Variants in NLRP5 observed in about 807,000 individuals in gnomAD.
The protein encoded by NLRP5 is NACHT, LRR and PYD domains-containing protein 5.
Under a neutral mutation model 113.1 loss-of-function variants are expected in NLRP5, and 93 were observed. The observed-to-expected ratio is 0.82, with a 90% confidence interval of 0.70 to 0.98. The LOEUF is 0.98. NLRP5 is among the 50% of genes least tolerant of loss of function. The pLI is 0.00. For synonymous variants in NLRP5, 751 were observed against 600.7 expected, an observed-to-expected ratio of 1.25 and a Z score of -3.66; for missense variants, 1,808 against 1,514.3, an observed-to-expected ratio of 1.19 and a Z score of -3.22.
At position 56,050,403 on chromosome 19, in the gene NLRP5, G is replaced by C; in HGVS notation, c.2958-15G>C. On this transcript the variant is annotated splice_polypyrimidine_tract_variant and intron_variant, in intron 11 of 14. Transcript: ENST00000390649. ...TGAGCATCACGATCTTCTTTCCCAT[G>C]TGTGTGCCCCACAGGCTGAATCAGT... The C allele has an allele frequency of 6.2e-7, 1 of 1,611,670 alleles. No individual in the cohort carries two copies. The highest frequency in any genetic ancestry group is 8.5e-7 in the Non-Finnish European group (1 of 1,179,054).
At chr19:55,989,406 C>T in the NLRP5 span, among the ~76,000 whole-genome samples, 1 of 152,254 alleles carries the variant, frequency 6.6e-6, no homozygotes, top group South Asian at 2.1e-4. Context: ...GTGCCCGCCA[C>T]CACGCCCGGC....
intron 11 of NLRP5, among the ~76,000 whole-genome samples, chr19:56,046,708 T>TA (rs1305403669): frequency 7.7e-6 from 1 of 129,242 alleles, no homozygotes; most frequent in Non-Finnish European, 1.7e-5. Context: ...GGCCGGCTAA[T>TA]TTTTTTTTTG....
chr19:56,032,771 C>T lies in NLRP5; in HGVS notation c.2437C>T (p.Gln813Ter). Reference sequence around the variant, plus strand: ...GCTGAGGCATCCCACCTGCAAGATACAGACCCTGATGTAAGGCTGCCCGCC... The same window carrying T: ...GCTGAGGCATCCCACCTGCAAGATATAGACCCTGATGTAAGGCTGCCCGCC... Residue 813 changes from glutamine to a stop codon, truncating the protein, a stop_gained, in exon 8 of 15, where the codon CAG becomes TAG. Coordinates refer to ENST00000390649, the MANE Select transcript of NLRP5 (RefSeq NM_153447.4). LOFTEE classifies it high-confidence loss of function. The T allele has an allele frequency of 6.2e-7, 1 of 1,608,934 alleles. No homozygotes were observed. The highest frequency in any genetic ancestry group is 8.5e-7 in the Non-Finnish European group (1 of 1,178,060).
At chr19:55,992,652 C>G in the NLRP5 span, among the ~76,000 whole-genome samples, 1 of 152,120 alleles carries the variant, frequency 6.6e-6, no homozygotes, top group Non-Finnish European at 1.5e-5. Context: ...AGCTTTTCTC[C>G]TTTGTTGACA....
At chr19:56,008,514 C>T (rs1447462171) in intron 2 of NLRP5, among the ~76,000 whole-genome samples, 1 of 152,058 alleles carries the variant, frequency 6.6e-6, no homozygotes, top group Non-Finnish European at 1.5e-5. Context: ...GAAACTTAAT[C>T]ACCACAATTA....
chr19:56,047,471 A>ATTGAT (rs56812131), intron 11 of NLRP5, among the ~76,000 whole-genome samples: 143,496 of 151,906 alleles, frequency 0.94, 67,983 homozygotes, highest in Admixed American at 0.98. Flanking sequence ...TAATTTCTGT[A>ATTGAT]TTCATTTTTG....
At chr19:56,037,609 C>T (rs1983364791) in intron 9 of NLRP5, among the ~76,000 whole-genome samples, 1 of 150,678 alleles carries the variant, frequency 6.6e-6, no homozygotes, top group South Asian at 2.1e-4. Context: ...AGGAGACTCG[C>T]TTCAATCCGG....
intron 11 of NLRP5, among the ~76,000 whole-genome samples, chr19:56,042,821 C>A (rs1983570944): frequency 6.6e-6 from 1 of 152,236 alleles, no homozygotes; most frequent in Non-Finnish European, 1.5e-5. Context: ...CATAGCTTAG[C>A]TCCCACATAT....
chr19:56,033,011 C>T (rs146879450), intron 8 of NLRP5, among the ~76,000 whole-genome samples: 149 of 151,972 alleles, frequency 9.8e-4, no homozygotes, highest in African/African-American at 3.2e-3. Flanking sequence ...TTTGGGAGGC[C>T]GAGGTGGGTG....
rs574237441 is a variant in NLRP5 at position 56,022,887 on chromosome 19, G to A, written c.679+2456G>A. On this transcript the variant is annotated intron_variant, in intron 6 of 14. Coordinates refer to ENST00000390649, the MANE Select transcript of NLRP5 (RefSeq NM_153447.4). The stretch of plus-strand genomic sequence containing the variant: ...TTACAGGCATGTGCCACCACACCCG[G>A]CTAATTTTGTATTTTTAGTAGAGAG... 3.9e-5 allele frequency among the ~76,000 whole-genome samples: 6 copies of A among 152,232 alleles called. No homozygotes were observed. In the South Asian group the frequency reaches 1.2e-3, roughly 32 times the overall value.
chr19:56,058,504 T>A, intron 14 of NLRP5, 94 bp downstream of exon 14: 1 of 1,189,670 alleles, frequency 8.4e-7, no homozygotes, highest in South Asian at 1.5e-5. Context: ...AAAGTTGACG[T>A]CATACCTTGG....
chr19:56,000,457 C>T (rs550914135), intron 1 of NLRP5, among the ~76,000 whole-genome samples: 1 of 151,978 alleles, frequency 6.6e-6, no homozygotes, highest in Non-Finnish European at 1.5e-5. Context: ...CTCCGACTCC[C>T]GGGTTCACAC....
At chr19:56,046,826 C>A (rs1055300870) in intron 11 of NLRP5, among the ~76,000 whole-genome samples, 4 of 152,232 alleles carry the variant, frequency 2.6e-5, no homozygotes, top group African/African-American at 9.6e-5. Flanking sequence ...GCCATCGCGC[C>A]CAGCCACCAC....
intron 11 of NLRP5, among the ~76,000 whole-genome samples, chr19:56,045,199 T>G (rs1350509025): frequency 6.6e-6 from 1 of 152,196 alleles, no homozygotes; most frequent in Non-Finnish European, 1.5e-5. Flanking sequence ...TTTTTATCTT[T>G]CTCTCGTCTG....
chr19:56,042,488 A>G (rs1001323981), intron 11 of NLRP5, among the ~76,000 whole-genome samples: 5 of 152,174 alleles, frequency 3.3e-5, no homozygotes, highest in African/African-American at 1.2e-4. Context: ...AGATGAGATT[A>G]CAGCTGTGCA....
chr19:56,034,250 G>T (rs767556913), intron 9 of NLRP5, among the ~76,000 whole-genome samples: 1 of 152,172 alleles, frequency 6.6e-6, no homozygotes, highest in Non-Finnish European at 1.5e-5. Flanking sequence ...TTAGCCAGGC[G>T]TGGCAGCCAC....
Position 56,038,182 on chromosome 19 carries a change from C to T in NLRP5, c.2773C>T (p.Leu925=). Residue 925 remains leucine, a synonymous_variant, in exon 10 of 15, where the codon CTG becomes TTG. Transcript: ENST00000390649. ...TGCCTTGAGAGTCTCCCAGTGCGCC[C>T]TGCAGAAGCTGATGTGAGTGCCACT... is the stretch of plus-strand genomic sequence containing the variant. 1 of 1,613,734 alleles carries T rather than the reference C, an allele frequency of 6.2e-7. No individual in the cohort carries two copies. Among genetic ancestry groups the T allele is most frequent in the Non-Finnish European group, 8.5e-7 (1 of 1,179,726 alleles).
chr19:56,027,043 T>C lies in NLRP5; in HGVS notation c.810T>C (p.Phe270=), dbSNP rs1982883013. ...AAATGCAAACGTTGGCTGGTGCTTT[T>C]GATTCAGACCGGTGGGGCTTCCGGC... Residue 270 remains phenylalanine (F), a synonymous_variant, in exon 7 of 15, where the codon TTT becomes TTC. Transcript: ENST00000390649. 6.4e-7 allele frequency: 1 copy of C among 1,553,188 alleles called. No homozygotes were observed. The highest frequency in any genetic ancestry group is 1.4e-5 in the African/African-American group (1 of 73,112).
chr19:55,999,087 A>C (rs1207465440), upstream of NLRP5, among the ~76,000 whole-genome samples: 3 of 150,808 alleles, frequency 2.0e-5, no homozygotes, highest in African/African-American at 7.3e-5. Flanking sequence ...TTTCATCAAT[A>C]TTTCCTTTTT....
Sources: gnomAD v4.1 joint callset for allele counts (sites outside exome capture counted in the v4.1 genomes callset) on GRCh38, gnomAD v4.1.1 for gene constraint, MANE v1.5 for transcripts, NCBI Gene and HGNC (gene_info 2026-07-23, HGNC 2026-07-21) for gene names.